SLC4A4: variants seen among roughly 807,000 people sequenced by gnomAD.
SLC4A4 encodes the protein electrogenic sodium bicarbonate cotransporter 1.
In SLC4A4, 27 loss-of-function variants were observed where a neutral mutation model predicts 111.5. The observed-to-expected ratio is 0.24, with a 90% CI of 0.18 to 0.33. The LOEUF (loss-of-function observed/expected upper bound fraction) is 0.33. SLC4A4 is among the 10% of genes least tolerant of loss of function. The pLI is 1.00. For synonymous variants in SLC4A4, 443 were observed against 463.4 expected (o/e 0.96, Z 0.57); for missense variants, 909 against 1,315.5 (o/e 0.69, Z 4.78).
intron 7 of SLC4A4, among the ~76,000 whole-genome samples, chr4:71,411,340 T>C (rs1721343049): frequency 6.6e-6 from 1 of 152,134 alleles, no homozygotes; most frequent in Non-Finnish European, 1.5e-5. Flanking sequence ...TGTCACCTTT[T>C]CAGGGAAGTT....
chr4:71,158,139 GTGTC>G (rs1191124686), intron 2 of SLC4A4, among the ~76,000 whole-genome samples: 1,686 of 129,944 alleles, frequency 0.013, 6 homozygotes, highest in Non-Finnish European at 0.016. Flanking sequence ...GTGTGTGTGT[GTGTC>G]TCTCTCTCTC....
At chr4:71,084,261 T>G (rs558003589) in intron 1 of SLC4A4, among the ~76,000 whole-genome samples, 3 of 152,074 alleles carry the variant, frequency 2.0e-5, no homozygotes, top group African/African-American at 7.3e-5. Flanking sequence ...TAGTCTATAA[T>G]AATAACTTGA....
intron 2 of SLC4A4, among the ~76,000 whole-genome samples, chr4:71,101,764 C>T (rs543013333): frequency 1.1e-3 from 172 of 152,162 alleles, no homozygotes; most frequent in African/African-American, 4.0e-3. Context: ...ACCAAAAACC[C>T]ATCTGTACAT....
chr4:71,546,506 C>T lies in SLC4A4; in HGVS notation c.2599C>T (p.Gln867Ter). ...METETSAPGE[Q>*]PKFLGVREQR... ...GACAGAGACTTCTGCACCTGGAGAA[C>T]AACCAAAGTTTCTAGGAGTGAGGTG... The change falls in exon 19 of 26, where the codon CAA becomes TAA. Residue 867 changes from glutamine to a stop codon, truncating the protein, a stop_gained. Coordinates refer to ENST00000264485, the MANE Select transcript of SLC4A4 (RefSeq NM_001098484.3). LOFTEE classifies it high-confidence loss of function. 1 of 1,612,406 alleles carries T rather than the reference C, an allele frequency of 6.2e-7. No homozygotes were observed.
intron 3 of SLC4A4, among the ~76,000 whole-genome samples, chr4:71,328,523 G>A (rs1727687357): frequency 6.6e-6 from 1 of 151,822 alleles, no homozygotes; most frequent in Non-Finnish European, 1.5e-5. Flanking sequence ...ATTTTAACTG[G>A]GTGATATGAT....
intron 16 of SLC4A4, among the ~76,000 whole-genome samples, chr4:71,525,075 GTC>G (rs1368180222): frequency 6.6e-6 from 1 of 152,104 alleles, no homozygotes; most frequent in Non-Finnish European, 1.5e-5. Context: ...CACTGTTAGT[GTC>G]TCTATGATTG....
At chr4:71,199,718 C>T (rs954912299) in intron 1 of SLC4A4, among the ~76,000 whole-genome samples, 7 of 152,048 alleles carry the variant, frequency 4.6e-5, no homozygotes, top group Admixed American at 1.3e-4. Context: ...GGCGCAATCT[C>T]GGCTCACTGC....
intron 2 of SLC4A4, among the ~76,000 whole-genome samples, chr4:71,142,370 G>A (rs142823191): frequency 5.9e-5 from 9 of 152,284 alleles, no homozygotes; most frequent in African/African-American, 2.2e-4. Flanking sequence ...CTGTTTGGGC[G>A]TTGGCTAAAG....
intron 1 of SLC4A4, among the ~76,000 whole-genome samples, chr4:71,187,953 C>A (rs1293453294): frequency 1.3e-5 from 2 of 152,254 alleles, no homozygotes; most frequent in African/African-American, 4.8e-5. Context: ...CAGGCAGATT[C>A]TCTGCAAGTG....
At chr4:71,535,766 TGAA>T (rs1467448241) in intron 18 of SLC4A4, among the ~76,000 whole-genome samples, 6 of 151,980 alleles carry the variant, frequency 3.9e-5, no homozygotes, top group Non-Finnish European at 8.8e-5. Flanking sequence ...AAGGGCAGAA[TGAA>T]GAATAACTGG....
intron 1 of SLC4A4, among the ~76,000 whole-genome samples, chr4:71,195,214 T>C (rs1436150142): frequency 6.6e-6 from 1 of 150,620 alleles, no homozygotes; most frequent in Non-Finnish European, 1.5e-5. Flanking sequence ...TTCTTTTCCT[T>C]TTTTCCTGTA....
chr4:71,462,415 C>CTTTTT (rs869306669), intron 12 of SLC4A4, among the ~76,000 whole-genome samples: 7 of 121,886 alleles, frequency 5.7e-5, no homozygotes, highest in Non-Finnish European at 1.0e-4. Context: ...ACCTCCTCAT[C>CTTTTT]TTTTTTTTTT....
chr4:71,219,354 C>T (rs562818987), intron 1 of SLC4A4, among the ~76,000 whole-genome samples: 1 of 152,292 alleles, frequency 6.6e-6, no homozygotes, highest in South Asian at 2.1e-4. Flanking sequence ...GATGGAACAG[C>T]ACAGCCTAGA....
chr4:71,422,256 C>G (rs1429609827), intron 7 of SLC4A4, among the ~76,000 whole-genome samples: 3 of 142,290 alleles, frequency 2.1e-5, no homozygotes, highest in Non-Finnish European at 4.6e-5. Flanking sequence ...ATAAATTCCT[C>G]GACACATACA....
chr4:71,403,180 G>A (rs1720526604), intron 7 of SLC4A4, among the ~76,000 whole-genome samples: 2 of 152,100 alleles, frequency 1.3e-5, no homozygotes, highest in Admixed American at 1.3e-4. Flanking sequence ...TCTATCTCGT[G>A]TATTATTTTA....
intron 3 of SLC4A4, among the ~76,000 whole-genome samples, chr4:71,304,925 T>G (rs556502473): frequency 3.3e-5 from 5 of 152,238 alleles, no homozygotes; most frequent in Non-Finnish European, 5.9e-5. Context: ...AATTCCAGCA[T>G]AGTTGTTTTA....
intron 2 of SLC4A4, among the ~76,000 whole-genome samples, chr4:71,142,237 G>A (rs574246501): frequency 1.3e-5 from 2 of 152,216 alleles, no homozygotes; most frequent in East Asian, 3.8e-4. Context: ...TTTGCTAGTT[G>A]CAAGTTTGCC....
chr4:71,490,772 T>C (rs1049444202), intron 15 of SLC4A4, among the ~76,000 whole-genome samples: 7 of 151,742 alleles, frequency 4.6e-5, no homozygotes, highest in Admixed American at 4.6e-4. Flanking sequence ...GATGCAGACT[T>C]GATCTATGCC....
intron 9 of SLC4A4, 141 bp from the exon 10 acceptor site, chr4:71,450,248 T>G (rs549022999): frequency 1.5e-6 from 1 of 687,148 alleles, no homozygotes; most frequent in East Asian, 2.7e-5. Context: ...GGGGGCAGGC[T>G]GAATAATAGG....
Sources: gnomAD v4.1 joint callset for allele counts (sites outside exome capture counted in the v4.1 genomes callset) on GRCh38, gnomAD v4.1.1 for gene constraint, MANE v1.5 for transcripts, NCBI Gene and HGNC (gene_info 2026-07-23, HGNC 2026-07-21) for gene names.